The following ARHGEF10 variants were observed in gnomAD, a reference collection of about 807,000 sequenced individuals.
ARHGEF10 encodes Rho guanine nucleotide exchange factor 10, also known as Rho guanine nucleotide exchange factor (GEF) 10.
Under a neutral mutation model 147.4 loss-of-function variants are expected in ARHGEF10, and 140 were observed. The observed-to-expected ratio is 0.95, with a 90% CI of 0.83 to 1.09. The LOEUF is 1.09. Among genes scored for constraint, ARHGEF10 ranks in the 50% least tolerant of loss-of-function variants. The pLI is 0.00. For synonymous variants in ARHGEF10, 902 were observed against 695.8 expected, an observed-to-expected ratio of 1.30 and a Z score of -4.67; for missense variants, 2,222 against 1,752.7, an observed-to-expected ratio of 1.27 and a Z score of -4.78.
intron 2 of ARHGEF10, 36 bp from the exon 3 acceptor site, chr8:1,857,924 A>C (rs761646911): frequency 2.1e-5 from 30 of 1,461,928 alleles, no homozygotes; most frequent in Non-Finnish European, 2.6e-5. Flanking sequence ...CTATCTATCT[A>C]TCTCTCCTTG....
chr8:1,941,456 G>T (rs1814083070), intron 26 of ARHGEF10, among the ~76,000 whole-genome samples: 1 of 152,138 alleles, frequency 6.6e-6, no homozygotes, highest in Non-Finnish European at 1.5e-5. Context: ...AGAAATTAAA[G>T]AATACCTAAA....
At chr8:1,891,596 CTGAT>C (rs1484242640) in intron 11 of ARHGEF10, among the ~76,000 whole-genome samples, 5 of 152,308 alleles carry the variant, frequency 3.3e-5, no homozygotes, top group Non-Finnish European at 5.9e-5. Flanking sequence ...AGGAGCCTCT[CTGAT>C]TGTCCTCCAG....
At position 1,876,741 on chromosome 8, in the gene ARHGEF10, G is replaced by C. The variant is rs1563216070; in HGVS notation, c.843+7G>C. ...CAGCAACCACAAAAAGCAAGTACGTGTTCCCTGCACATGTGAGGGATGGTT... is the reference window on the plus strand; with the variant it reads ...CAGCAACCACAAAAAGCAAGTACGTCTTCCCTGCACATGTGAGGGATGGTT... On this transcript the variant is annotated splice_region_variant and intron_variant, in intron 8 of 28. Transcript: ENST00000349830. The C allele has an allele frequency of 6.2e-7, 1 of 1,614,124 alleles. No individual in the cohort carries two copies. The highest frequency in any genetic ancestry group is 8.5e-7 in the Non-Finnish European group (1 of 1,179,998).
rs913178810 is a variant in ARHGEF10 at position 1,923,502 on chromosome 8, C to G, written c.2294C>G (p.Ser765Ter). ...LNQSVAHDWT[S>*]GLQRLILKKE... ...CAGTCAGTAGCCCATGACTGGACATCAGGTTTACAAAGGCTTATTTTGAAG... is the reference window on the plus strand; with the variant it reads ...CAGTCAGTAGCCCATGACTGGACATGAGGTTTACAAAGGCTTATTTTGAAG... The change falls in exon 20 of 29, where the codon TCA becomes TGA. Residue 765 changes from serine (S) to a stop codon, truncating the protein, a stop_gained. Transcript: ENST00000349830. LOFTEE classifies it high-confidence loss of function. The G allele has an allele frequency of 6.2e-7, 1 of 1,614,098 alleles. No homozygotes were observed. Among genetic ancestry groups the G allele is most frequent in the Non-Finnish European group, 8.5e-7 (1 of 1,180,026 alleles).
At chr8:1,879,252 CAGTT>C (rs1285683440) in intron 8 of ARHGEF10, among the ~76,000 whole-genome samples, 3 of 152,060 alleles carry the variant, frequency 2.0e-5, no homozygotes, top group African/African-American at 7.2e-5. Flanking sequence ...CCAGTCCCGT[CAGTT>C]AGAGAGAAAG....
At chr8:1,823,756 G>C (rs984369518), upstream of ARHGEF10, among the ~76,000 whole-genome samples, 8 of 152,000 alleles carry the variant, frequency 5.3e-5, no homozygotes, top group African/African-American at 1.9e-4. Context: ...CCTGGGCCGG[G>C]CGTTGGGCAG....
chr8:1,898,679 G>T (rs1183546582), intron 15 of ARHGEF10, among the ~76,000 whole-genome samples, 154 bp downstream of exon 15: 1 of 152,244 alleles, frequency 6.6e-6, no homozygotes, highest in East Asian at 1.9e-4. Flanking sequence ...GTAGAGGCAG[G>T]TGGAGACCTG....
At chr8:1,944,722 C>G (rs186148448) in intron 26 of ARHGEF10, among the ~76,000 whole-genome samples, 99 of 152,336 alleles carry the variant, frequency 6.5e-4, no homozygotes, top group African/African-American at 2.3e-3. Context: ...TCCTGGGGCA[C>G]GCAGTGTCTC....
intron 14 of ARHGEF10, among the ~76,000 whole-genome samples, chr8:1,897,695 T>A (rs1367891944): frequency 6.6e-6 from 1 of 152,180 alleles, no homozygotes; most frequent in Non-Finnish European, 1.5e-5. Context: ...TCTCTTTCTT[T>A]TGGGGAAAGA....
At chr8:1,845,123 G>T (rs545681525) in intron 2 of ARHGEF10, among the ~76,000 whole-genome samples, 159 of 152,298 alleles carry the variant, frequency 1.0e-3, no homozygotes, top group African/African-American at 3.6e-3. Context: ...TGGGTGGTGG[G>T]ACTGAGACCC....
Position 1,859,888 on chromosome 8 carries a change from C to T in ARHGEF10, c.194-9C>T. 6.2e-7 allele frequency: 1 copy of T among 1,613,966 alleles called. No homozygotes were observed. The highest frequency in any genetic ancestry group is 8.5e-7 in the Non-Finnish European group (1 of 1,180,018). On this transcript the variant is annotated splice_polypyrimidine_tract_variant and intron_variant, in intron 3 of 28. Coordinates refer to ENST00000349830, the MANE Select transcript of ARHGEF10 (RefSeq NM_014629.4). ...TGTGTCTGCTGACAAGTCCTTTCTG[C>T]ATCCCCAGGAGGTGAGGATGGAGCT...
At chr8:1,849,067 C>T (rs897311765) in intron 2 of ARHGEF10, among the ~76,000 whole-genome samples, 3 of 152,232 alleles carry the variant, frequency 2.0e-5, no homozygotes, top group Non-Finnish European at 2.9e-5. Flanking sequence ...CTGGTCACCC[C>T]TAGACACCGC....
intron 5 of ARHGEF10, 66 bp from the exon 6 acceptor site, chr8:1,866,460 C>T (rs1806622266): frequency 7.5e-6 from 10 of 1,330,414 alleles, no homozygotes; most frequent in Non-Finnish European, 1.1e-5. Context: ...CTCTGCAGGG[C>T]AGTTGGCATC....
At chr8:1,884,639 G>A (rs1373812501) in intron 10 of ARHGEF10, among the ~76,000 whole-genome samples, 1 of 152,196 alleles carries the variant, frequency 6.6e-6, no homozygotes, top group African/African-American at 2.4e-5. Context: ...TGCAGCCAGG[G>A]TTTGGGATCT....
intron 18 of ARHGEF10, among the ~76,000 whole-genome samples, chr8:1,916,277 A>G (rs1336628318): frequency 1.3e-5 from 2 of 152,218 alleles, no homozygotes; most frequent in Non-Finnish European, 2.9e-5. Flanking sequence ...CTCTGTGGGA[A>G]TCACACACGT....
At chr8:1,922,935 C>CA in intron 18 of ARHGEF10, 29 bp from the exon 19 acceptor site, 1 of 1,464,604 alleles carries the variant, frequency 6.8e-7, no homozygotes, top group Non-Finnish European at 9.5e-7. Flanking sequence ...CCTTTGTATT[C>CA]TTTTTTTTTC....
chr8:1,857,280 G>T (rs1430092393), intron 2 of ARHGEF10, among the ~76,000 whole-genome samples: 1 of 152,210 alleles, frequency 6.6e-6, no homozygotes, highest in African/African-American at 2.4e-5. Context: ...CAAGGTGTCA[G>T]AAGTTATTTC....
At chr8:1,923,927 C>A (rs1208536744) in intron 21 of ARHGEF10, 53 bp downstream of exon 21, 16 of 1,541,818 alleles carry the variant, frequency 1.0e-5, no homozygotes, top group Non-Finnish European at 1.4e-5. Context: ...ATGATGAATT[C>A]CTGCCCACGA....
At chr8:1,936,805 C>T (rs551807581) in intron 26 of ARHGEF10, among the ~76,000 whole-genome samples, 15 of 152,310 alleles carry the variant, frequency 9.8e-5, no homozygotes, top group African/African-American at 3.6e-4. Context: ...TAGGCTGCAT[C>T]CTCTGTCATC....
Sources: allele counts gnomAD v4.1 joint callset (sites outside exome capture counted in the v4.1 genomes callset), GRCh38; gene constraint gnomAD v4.1.1; transcripts MANE v1.5; gene names NCBI Gene and HGNC (gene_info 2026-07-23, HGNC 2026-07-21).